MIB2: variants seen among roughly 807,000 people sequenced by gnomAD.
MIB2 encodes the protein E3 ubiquitin-protein ligase MIB2.
Under a neutral mutation model 96.6 loss-of-function variants are expected in MIB2, and 78 were observed. The observed-to-expected ratio is 0.81, with a 90% confidence interval of 0.67 to 0.97. The LOEUF (loss-of-function observed/expected upper bound fraction) is 0.97, where lower values mean the gene tolerates loss of function less well. Among genes scored for constraint, MIB2 ranks in the 50% least tolerant of loss-of-function variants. The pLI is 0.00. For missense variants in MIB2, 1,543 were observed against 1,424.0 expected (o/e 1.08, Z -1.35); for synonymous variants, 820 against 629.5 (o/e 1.30, Z -4.53).
upstream of MIB2, chr1:1,614,708 C>G (rs1423489355): frequency 1.3e-5 from 2 of 152,250 alleles, no homozygotes; most frequent in African/African-American, 4.8e-5. Flanking sequence ...TCCGGAAGTA[C>G]GCAATGTCTA....
chr1:1,621,908 T>C (rs1644294216), intron 2 of MIB2, among the ~76,000 whole-genome samples: 1 of 152,214 alleles, frequency 6.6e-6, no homozygotes, highest in African/African-American at 2.4e-5. Context: ...GGACAACCTG[T>C]GGGGCTCAGG....
Position 1,626,839 on chromosome 1 carries a change from C to T in MIB2, c.1080C>T (p.Ala360=), listed in dbSNP as rs374336653. Reference sequence around the variant, plus strand: ...GTGACCCCCTCCCCTCCCCGCAGGCCCTGGGCCGCGTCGGGAAGGTGGTGA... The same window carrying T: ...GTGACCCCCTCCCCTCCCCGCAGGCTCTGGGCCGCGTCGGGAAGGTGGTGA... ...HGEWTDDMAP[A]LGRVGKVVKV... The change falls in exon 10 of 20, where the codon GCC becomes GCT. Residue 360 remains alanine, a splice_region_variant and synonymous_variant. Coordinates refer to ENST00000355826, the MANE Select transcript of MIB2 (RefSeq NM_001170687.4). The surrounding 1 kb of genome is among the most constrained non-coding windows in gnomAD (Gnocchi z 5.3). The T allele has an allele frequency of 1.7e-4, 274 of 1,602,146 alleles. No individual in the cohort carries two copies. The highest frequency in any genetic ancestry group is 2.2e-4 in the Non-Finnish European group (265 of 1,179,238).
In MIB2 at chr1:1,629,216, C is replaced by A. The variant is rs759892089; in HGVS notation, c.2286C>A (p.Asp762Glu). Residue 762 changes from aspartate to glutamate, a missense_variant, in exon 17 of 20, where the codon GAC (aspartate) becomes GAA (glutamate). Physicochemically the swap from Asp to Glu is conservative, Grantham distance 45. Coordinates refer to ENST00000355826, the MANE Select transcript of MIB2 (RefSeq NM_001170687.4). ...VACFLALEGA[D>E]VSYTNHRGRS... ...GCTTCCTGGCGCTGGAGGGCGCCGACGTGAGCTACACCAACCACCGCGGTC... is the reference window on the plus strand; with the variant it reads ...GCTTCCTGGCGCTGGAGGGCGCCGAAGTGAGCTACACCAACCACCGCGGTC... 7.8e-6 allele frequency: 12 copies of A among 1,536,856 alleles called. No homozygotes were observed. The highest frequency in any genetic ancestry group is 7.6e-5 in the Admixed American group (4 of 52,316).
chr1:1,623,224 G>A (rs1343676382), intron 2 of MIB2: 6 of 825,476 alleles, frequency 7.3e-6, no homozygotes, highest in Admixed American at 3.6e-5. Context: ...AGGCTGGCAC[G>A]GCGCCCGCCT....
chr1:1,615,990 G>A (rs1273942649), intron 1 of MIB2: 2 of 984,990 alleles, frequency 2.0e-6, no homozygotes, highest in Non-Finnish European at 2.4e-6. Flanking sequence ...AGTCGGGGCC[G>A]GTGGGTGGCC....
chr1:1,627,886 T>G, intron 13 of MIB2, 57 bp downstream of exon 13: 3 of 1,594,256 alleles, frequency 1.9e-6, no homozygotes, highest in Non-Finnish European at 2.5e-6. Context: ...GTCCCTGGCC[T>G]GGGTTCCCTC....
In MIB2 at chr1:1,629,150, C is replaced by T. The variant is rs1220768960; in HGVS notation, c.2220C>T (p.Leu740=). Reference sequence around the variant, plus strand: ...CCGCCCAGCTACAGGCCTCGGGCCTCCCCGGCAGCGCGGAGCTGACGGTGG... The same window carrying T: ...CCGCCCAGCTACAGGCCTCGGGCCTTCCCGGCAGCGCGGAGCTGACGGTGG... ...QLLSRLQASG[L]PGSAELTVGA... Residue 740 remains leucine (L), a synonymous_variant, in exon 17 of 20, where the codon CTC becomes CTT. Coordinates refer to ENST00000355826, the MANE Select transcript of MIB2 (RefSeq NM_001170687.4). 5 of 1,497,844 alleles carry T rather than the reference C, an allele frequency of 3.3e-6. No homozygotes were observed. Among genetic ancestry groups the T allele is most frequent in the South Asian group, 1.3e-5 (1 of 79,996 alleles). The allele number at this position is 1,497,844 out of a possible 1,614,324, so 92.8% of individuals were successfully genotyped here.
rs1256188572 is a variant in MIB2, at chr1:1,626,677, G to T, written c.1000G>T (p.Val334Phe). Residue 334 changes from valine (V) to phenylalanine (F), a missense_variant, in exon 9 of 20, where the codon GTC (valine) becomes TTC (phenylalanine). By Grantham distance (50) the Val-to-Phe change is conservative (BLOSUM62 -1). Transcript: ENST00000355826. This position sits in a 1 kb window ranked among gnomAD's most constrained non-coding sequence, Gnocchi z 5.3. Reference protein sequence around the residue: ...KHHSFWVGDVVRVIGDLDTVK... With the variant: ...KHHSFWVGDVFRVIGDLDTVK... ...CCACTCCTTCTGGGTGGGCGACGTGGTCCGGGTCATCGGCGACCTTGACAC... is the reference window on the plus strand; with the variant it reads ...CCACTCCTTCTGGGTGGGCGACGTGTTCCGGGTCATCGGCGACCTTGACAC... The T allele has an allele frequency of 6.3e-7, 1 of 1,579,112 alleles. No homozygotes were observed. Among genetic ancestry groups the T allele is most frequent in the Non-Finnish European group, 8.6e-7 (1 of 1,159,976 alleles).
In MIB2 at chr1:1,629,696, T is replaced by A; in HGVS notation, c.2621T>A (p.Leu874Gln). 6.3e-7 allele frequency: 1 copy of A among 1,595,350 alleles called. No homozygotes were observed. The highest frequency in any genetic ancestry group is 8.5e-7 in the Non-Finnish European group (1 of 1,171,250). The change falls in exon 19 of 20, where the codon CTG becomes CAG. Residue 874 changes from leucine to glutamine, a missense_variant. By Grantham distance (113) the Leu-to-Gln change is moderately radical. Transcript: ENST00000355826. ...TGCCAGGTGGTCGTCAGCAAGAAAC[T>A]GCGCCCAGGTGGGTGAGGCTCTGCG... Reference protein sequence around the residue: ...IRCQVVVSKKLRPDGSEVASA... With the variant: ...IRCQVVVSKKQRPDGSEVASA...
chr1:1,628,287 T>A lies in MIB2; in HGVS notation c.1856T>A (p.Ile619Asn). 1 of 1,613,030 alleles carries A rather than the reference T, an allele frequency of 6.2e-7. No individual in the cohort carries two copies. Among genetic ancestry groups the A allele is most frequent in the Non-Finnish European group, 8.5e-7 (1 of 1,179,958 alleles). ...LKGHALAVRK[I>N]LARARQLVDA... The stretch of plus-strand genomic sequence containing the variant: ...CTGCTCCACAGAGCTGTGAGAAAGA[T>A]TCTGGCTCGGGCGCGGCAGCTGGTG... Residue 619 changes from isoleucine (I) to asparagine (N), a missense_variant, in exon 15 of 20, where the codon ATT becomes AAT. Physicochemically the swap from Ile to Asn is moderately radical, Grantham distance 149. Coordinates refer to ENST00000355826, the MANE Select transcript of MIB2 (RefSeq NM_001170687.4).
rs764827059 is a variant in MIB2 at position 1,629,318 on chromosome 1, C to T, written c.2381+7C>T. Reference sequence around the variant, plus strand: ...GCTGCGCCCAGCGCTTCCGGTGAGTCCGTGGACGGCGGGGATGGGGTCCGG... The same window carrying T: ...GCTGCGCCCAGCGCTTCCGGTGAGTTCGTGGACGGCGGGGATGGGGTCCGG... On this transcript the variant is annotated splice_region_variant and intron_variant, in intron 17 of 19. Coordinates refer to ENST00000355826, the MANE Select transcript of MIB2 (RefSeq NM_001170687.4). 15 of 1,477,314 alleles carry T rather than the reference C, an allele frequency of 1.0e-5. No individual in the cohort carries two copies. In the South Asian group the frequency reaches 1.7e-4, roughly 16 times the overall value. 91.5% of individuals were successfully genotyped at this position (1,477,314 alleles called of 1,614,324 possible). A position where few individuals can be genotyped will look rare whatever the true frequency, so the allele number is the denominator to read the frequency against.
At chr1:1,627,249 A>T (rs775400689) in intron 11 of MIB2, 42 bp downstream of exon 11, 2 of 1,612,676 alleles carry the variant, frequency 1.2e-6, no homozygotes, top group African/African-American at 2.7e-5. Flanking sequence ...CCAGTCTGAG[A>T]GTGAGGGGCA....
intron 2 of MIB2, chr1:1,618,124 T>G (rs1322750475): frequency 1.3e-5 from 2 of 152,656 alleles, no homozygotes; most frequent in Non-Finnish European, 2.9e-5. Flanking sequence ...TGTGGCTGTC[T>G]CTGGTTTGTC....
chr1:1,628,200 C>CTGTGT (rs1644996081), intron 14 of MIB2, 21 bp downstream of exon 14: 1 of 1,612,248 alleles, frequency 6.2e-7, no homozygotes, highest in Admixed American at 1.7e-5. Context: ...GGTGGGCACA[C>CTGTGT]AGCTGCAGCC....
At chr1:1,620,186 C>T (rs1289681791) in intron 2 of MIB2, among the ~76,000 whole-genome samples, 5 of 152,230 alleles carry the variant, frequency 3.3e-5, no homozygotes, top group Admixed American at 6.5e-5. Context: ...ATATGGCCAG[C>T]GGGTCGGGCA....
In MIB2 at chr1:1,629,494, G is replaced by C; in HGVS notation, c.2491G>C (p.Glu831Gln). The change falls in exon 18 of 20, where the codon GAG (glutamate) becomes CAG (glutamine). Residue 831 changes from glutamate (E) to glutamine (Q), a missense_variant. Physicochemically the swap from Glu to Gln is conservative, Grantham distance 29. Coordinates refer to ENST00000355826, the MANE Select transcript of MIB2 (RefSeq NM_001170687.4). ...CGCCGCGCCGGGGCCCGAGGCCGCTGAGTGCCTGGTGTGCTCCGAGCTGGC... is the reference window on the plus strand; with the variant it reads ...CGCCGCGCCGGGGCCCGAGGCCGCTCAGTGCCTGGTGTGCTCCGAGCTGGC... ...VGAAPGPEAA[E>Q]CLVCSELALL... The C allele has an allele frequency of 6.5e-7, 1 of 1,534,678 alleles. No individual in the cohort carries two copies. Among genetic ancestry groups the C allele is most frequent in the Non-Finnish European group, 8.7e-7 (1 of 1,145,670 alleles).
At chr1:1,622,900 G>A (rs28714563) in intron 2 of MIB2, among the ~76,000 whole-genome samples, 4,095 of 152,276 alleles carry the variant, frequency 0.027, 184 homozygotes, top group African/African-American at 0.092. Context: ...CGCCTGCATC[G>A]TGTTTGCCGT....
At chr1:1,615,378 A>T (rs1419894955), upstream of MIB2, 2 of 1,428,930 alleles carry the variant, frequency 1.4e-6, no homozygotes, top group Non-Finnish European at 1.8e-6. Flanking sequence ...TAGCTGCGCC[A>T]CGCAGGGTAG....
Position 1,615,571 on chromosome 1 carries a change from C to A in MIB2, c.-192C>A, listed in dbSNP as rs754393920. 5.8e-6 allele frequency: 9 copies of A among 1,541,240 alleles called. No homozygotes were observed. ...GGTGGCCCAGGAGGGCCTGGGAGCC[C>A]GAAGCCGTCCCCGAGTCGCTCCTAG... On this transcript the variant is annotated 5_prime_UTR_variant, in exon 1 of 20. Coordinates refer to ENST00000355826, the MANE Select transcript of MIB2 (RefSeq NM_001170687.4).
Sources: gnomAD v4.1 joint callset for allele counts (sites outside exome capture counted in the v4.1 genomes callset) on GRCh38, gnomAD v4.1.1 for gene constraint, Gnocchi (gnomAD v3.1) non-coding constraint, MANE v1.5 for transcripts, NCBI Gene and HGNC (gene_info 2026-07-23, HGNC 2026-07-21) for gene names.